The following SNRPA1 variants were observed in gnomAD, a reference collection of about 807,000 sequenced individuals.
SNRPA1 encodes U2 small nuclear ribonucleoprotein A'.
SNRPA1 carries 5 observed loss-of-function variants against 32.3 expected under a neutral mutation model. The ratio of observed to expected loss-of-function variants is 0.15; its 90% CI spans 0.08 to 0.33. The LOEUF is 0.33. Among genes scored for constraint, SNRPA1 ranks in the 10% least tolerant of loss-of-function variants. The pLI, the probability that SNRPA1 is intolerant of heterozygous loss-of-function variation, is 1.00. For synonymous variants in SNRPA1, 111 were observed against 120.1 expected, an observed-to-expected ratio of 0.92 and a Z score of 0.50; for missense variants, 198 against 311.1, an observed-to-expected ratio of 0.64 and a Z score of 2.74.
chr15:101,294,577 T>C (rs1260085037), intron 1 of SNRPA1, among the ~76,000 whole-genome samples: 5 of 152,154 alleles, frequency 3.3e-5, no homozygotes, highest in African/African-American at 1.2e-4. Flanking sequence ...CGTCTTCATA[T>C]AGGGGAAACG....
intron 2 of SNRPA1, chr15:101,292,762 T>C (rs1048883580): frequency 2.8e-5 from 7 of 253,090 alleles, no homozygotes; most frequent in South Asian, 1.5e-4. Flanking sequence ...TCTGAACAGA[T>C]ACAAGTAAGA....
At chr15:101,288,675 C>T (rs979721566) in intron 3 of SNRPA1, among the ~76,000 whole-genome samples, 3 of 152,196 alleles carry the variant, frequency 2.0e-5, no homozygotes, top group African/African-American at 7.2e-5. Context: ...TGCAGTAACT[C>T]TAAAATAGGA....
intron 3 of SNRPA1, among the ~76,000 whole-genome samples, chr15:101,288,773 C>T (rs1052533761): frequency 5.9e-5 from 9 of 152,148 alleles, no homozygotes; most frequent in African/African-American, 7.2e-5. Flanking sequence ...GGCGAGGAGC[C>T]GTCTTACAAA....
At chr15:101,283,622 A>G (rs2039421601) in intron 8 of SNRPA1, among the ~76,000 whole-genome samples, 1 of 151,900 alleles carries the variant, frequency 6.6e-6, no homozygotes, top group South Asian at 2.1e-4. Flanking sequence ...GAGGCCCACA[A>G]ACCATACAGT....
intron 4 of SNRPA1, among the ~76,000 whole-genome samples, chr15:101,287,416 C>T (rs1330287735): frequency 6.6e-6 from 1 of 151,776 alleles, no homozygotes; most frequent in African/African-American, 2.4e-5. Flanking sequence ...TTCTCACCTA[C>T]GAGTGAGAAC....
chr15:101,286,334 A>C, intron 5 of SNRPA1, 41 bp from the exon 6 acceptor site: 1 of 1,566,240 alleles, frequency 6.4e-7, no homozygotes, highest in South Asian at 1.1e-5. Flanking sequence ...AAATAGGAAT[A>C]CCACATGCAT....
chr15:101,283,349 C>T (rs2039417866), intron 8 of SNRPA1, among the ~76,000 whole-genome samples: 1 of 151,064 alleles, frequency 6.6e-6, no homozygotes, highest in Admixed American at 6.6e-5. Context: ...GAGATCGAGA[C>T]CATCCTGGCT....
At position 101,285,162 on chromosome 15, in the gene SNRPA1, C is replaced by T. The variant is rs1255832441; in HGVS notation, c.616-102G>A. The T allele has an allele frequency of 1.4e-5, 11 of 763,702 alleles. No homozygotes were observed. The East Asian group carries it at 2.6e-4, about 18-fold the overall frequency. 47.3% of individuals were successfully genotyped at this position (763,702 alleles called of 1,614,324 possible). A position where few individuals can be genotyped will look rare whatever the true frequency, so the allele number is the denominator to read the frequency against. Reference sequence around the variant, plus strand: ...CACCTACAGAAATTCACAGCAACTTCTCCATCAGGAACATTAAATACTTTG... The same window carrying T: ...CACCTACAGAAATTCACAGCAACTTTTCCATCAGGAACATTAAATACTTTG... On this transcript the variant is annotated intron_variant, in intron 7 of 8. Transcript: ENST00000254193.
intron 3 of SNRPA1, among the ~76,000 whole-genome samples, chr15:101,288,800 A>C (rs1238927435): frequency 2.0e-5 from 3 of 152,228 alleles, no homozygotes; most frequent in African/African-American, 4.8e-5. Flanking sequence ...AACTCCAGTG[A>C]CTGAGAAAAG....
chr15:101,295,187 C>G lies in SNRPA1; in HGVS notation c.-9G>C. 1 of 1,537,368 alleles carries G rather than the reference C, an allele frequency of 6.5e-7. No individual in the cohort carries two copies. Among genetic ancestry groups the G allele is most frequent in the Non-Finnish European group, 8.7e-7 (1 of 1,145,620 alleles). ...GCCGTCAGCTTGACCATCCTGCAGC[C>G]TCCCGTTCCCCCGCGCTGTGGAAAG... On this transcript the variant is annotated 5_prime_UTR_variant, in exon 1 of 9. Transcript: ENST00000254193.
rs370184424 is a variant in SNRPA1, at chr15:101,285,894, T to C, written c.540-93A>G. ...AAGCTTTTGAAAGTAATTCAACCAG[T>C]GTAGTATCTTATCTTTGTTAACAAA... On this transcript the variant is annotated intron_variant, in intron 6 of 8. Coordinates refer to ENST00000254193, the MANE Select transcript of SNRPA1 (RefSeq NM_003090.4). The C allele has an allele frequency of 9.9e-6, 9 of 905,658 alleles. No individual in the cohort carries two copies. The East Asian group carries it at 1.3e-4, about 13-fold the overall frequency. The allele number at this position is 905,658 out of a possible 1,614,324, so 56.1% of individuals were successfully genotyped here.
intron 8 of SNRPA1, among the ~76,000 whole-genome samples, chr15:101,284,460 C>T (rs1158352831): frequency 3.3e-5 from 5 of 151,418 alleles, no homozygotes; most frequent in Non-Finnish European, 7.4e-5. Context: ...TCAACTTTTA[C>T]ATAAAACCCC....
chr15:101,285,223 A>G (rs1328070857), intron 7 of SNRPA1, 163 bp from the exon 8 acceptor site: 1 of 560,102 alleles, frequency 1.8e-6, no homozygotes, highest in Non-Finnish European at 3.2e-6. Flanking sequence ...CCACAAAAAT[A>G]AAACTAGAAG....
At chr15:101,287,147 A>AT in intron 4 of SNRPA1, 137 bp from the exon 5 acceptor site, 1 of 519,290 alleles carries the variant, frequency 1.9e-6, no homozygotes, top group Non-Finnish European at 3.4e-6. Flanking sequence ...ACAATTTAAC[A>AT]TTAAGGAAAT....
rs2141303792 is a variant in SNRPA1 at position 101,281,780 on chromosome 15, G to C, written c.712C>G (p.Pro238Ala). ...QIPGRERRSG[P>A]TDDGEEEMEE... ...ATCTCTTCTTCACCATCATCAGTGG[G>C]CCCTAAAGAAAACCACCAAAGCAAA... The change falls in exon 9 of 9, where the codon CCC (proline) becomes GCC (alanine). Residue 238 changes from proline (P) to alanine (A), a missense_variant and splice_region_variant. Pro to Ala is a conservative substitution (Grantham distance 27, BLOSUM62 -1). Coordinates refer to ENST00000254193, the MANE Select transcript of SNRPA1 (RefSeq NM_003090.4). 1 of 1,613,894 alleles carries C rather than the reference G, an allele frequency of 6.2e-7. No homozygotes were observed. Among genetic ancestry groups the C allele is most frequent in the Non-Finnish European group, 8.5e-7 (1 of 1,179,780 alleles).
At chr15:101,284,817 C>CTTTG in intron 8 of SNRPA1, 150 bp downstream of exon 8, 4 of 653,366 alleles carry the variant, frequency 6.1e-6, no homozygotes, top group Non-Finnish European at 1.1e-5. Context: ...AATACTTTAT[C>CTTTG]TTCAAAGAGC....
chr15:101,288,581 C>G (rs1028608225), intron 3 of SNRPA1: 4 of 152,106 alleles, frequency 2.6e-5, no homozygotes, highest in African/African-American at 9.7e-5. Flanking sequence ...TCCAATTGTT[C>G]CATAAAACAT....
intron 8 of SNRPA1, among the ~76,000 whole-genome samples, chr15:101,284,390 A>T (rs954475811): frequency 6.6e-6 from 1 of 152,222 alleles, no homozygotes; most frequent in Non-Finnish European, 1.5e-5. Flanking sequence ...ATATATAGGT[A>T]AAAGTCCACA....
At chr15:101,290,542 A>G (rs1472574322) in intron 3 of SNRPA1, among the ~76,000 whole-genome samples, 2 of 151,830 alleles carry the variant, frequency 1.3e-5, no homozygotes, top group African/African-American at 4.8e-5. Flanking sequence ...AAAATACGGG[A>G]GGAAGGTTAA....
Sources: gnomAD v4.1 joint callset for allele counts (sites outside exome capture counted in the v4.1 genomes callset) on GRCh38, gnomAD v4.1.1 for gene constraint, MANE v1.5 for transcripts, NCBI Gene and HGNC (gene_info 2026-07-23, HGNC 2026-07-21) for gene names.